PPFIA4: variants seen among roughly 807,000 people sequenced by gnomAD.
PPFIA4 encodes the protein liprin-alpha-4.
Under a neutral mutation model 145.7 loss-of-function variants are expected in PPFIA4, and 98 were observed. That is an observed-to-expected ratio of 0.67 (90% CI 0.57 to 0.80). The LOEUF (loss-of-function observed/expected upper bound fraction) is 0.80, where lower values mean the gene tolerates loss of function less well. Ranked by LOEUF, PPFIA4 falls within the 30% of genes least tolerant of loss-of-function variation. The pLI is 0.00. For synonymous variants in PPFIA4, 628 were observed against 649.6 expected (o/e 0.97, Z 0.51); for missense variants, 1,457 against 1,632.7 (o/e 0.89, Z 1.85).
At chr1:203,038,118 C>T (rs534454821) in intron 1 of PPFIA4, among the ~76,000 whole-genome samples, 1 of 152,306 alleles carries the variant, frequency 6.6e-6, no homozygotes, top group South Asian at 2.1e-4. Context: ...TTTCCTAGGA[C>T]CCCAAGAGTC....
rs1662470781 is a variant in PPFIA4 at position 203,075,619 on chromosome 1, C to A, written c.3436C>A (p.Arg1146Ser). 2 of 1,480,052 alleles carry A rather than the reference C, an allele frequency of 1.4e-6. No homozygotes were observed. Among genetic ancestry groups the A allele is most frequent in the Non-Finnish European group, 1.8e-6 (2 of 1,114,068 alleles). The allele number at this position is 1,480,052 out of a possible 1,614,324, so 91.7% of individuals were successfully genotyped here. The change falls in exon 29 of 30, where the codon CGC (arginine) becomes AGC (serine). Residue 1146 changes from arginine (R) to serine (S), a missense_variant. Arg to Ser is a moderately radical substitution (Grantham distance 110). Coordinates refer to ENST00000295706, the MANE Select transcript of PPFIA4 (RefSeq NM_001304331.2). This position sits in a 1 kb window ranked among gnomAD's most constrained non-coding sequence, Gnocchi z 4.1. Reference protein sequence around the residue: ...VFRRAPSWRKRFRPREHHGRG... With the variant: ...VFRRAPSWRKSFRPREHHGRG... Reference sequence around the variant, plus strand: ...TCGCCGCGCGCCCTCCTGGAGGAAGCGCTTCCGGCCGCGGGAGCACCACGG... The same window carrying A: ...TCGCCGCGCGCCCTCCTGGAGGAAGAGCTTCCGGCCGCGGGAGCACCACGG...
intron 2 of PPFIA4, among the ~76,000 whole-genome samples, chr1:203,041,167 A>T (rs1659671225): frequency 6.6e-6 from 1 of 152,130 alleles, no homozygotes; most frequent in Admixed American, 6.5e-5. Context: ...AGGGGGAGGG[A>T]GTCCACTGAG....
intron 9 of PPFIA4, 98 bp downstream of exon 9, chr1:203,046,480 C>A: frequency 7.2e-7 from 1 of 1,395,014 alleles, no homozygotes. Context: ...GCGCACTGGG[C>A]CAGGAGCCAG....
rs1383525719 is a variant in PPFIA4 at position 203,076,370 on chromosome 1, C to T, written c.3604C>T (p.Leu1202Phe). 9 of 1,608,034 alleles carry T rather than the reference C, an allele frequency of 5.6e-6. No homozygotes were observed. Among genetic ancestry groups the T allele is most frequent in the Middle Eastern group, 1.6e-4 (1 of 6,082 alleles). ...CTCCCACTATCTCTACGGACACATG[C>T]TCTCCGCCTTCCGGGACTAGCCATG... ...AHSHYLYGHM[L>F]SAFRD Residue 1202 changes from leucine to phenylalanine, a missense_variant, in exon 30 of 30, where the codon CTC becomes TTC. Leu to Phe is a conservative substitution (Grantham distance 22). Coordinates refer to ENST00000295706, the MANE Select transcript of PPFIA4 (RefSeq NM_001304331.2).
At position 203,028,026 on chromosome 1, in the gene PPFIA4, G is replaced by A. The variant is rs527946549; in HGVS notation, c.-400+1397G>A. Among the ~76,000 whole-genome samples, 5 of 152,314 alleles carry A rather than the reference G, an allele frequency of 3.3e-5. No individual in the cohort carries two copies. In the South Asian group the frequency reaches 8.3e-4, roughly 25 times the overall value. ...TTATTTTCTCAGATTTTGTCCTGAG[G>A]CTTGAGGAGGCTTCGTGGGGTAAAC... On this transcript the variant is annotated intron_variant, in intron 1 of 29. Transcript: ENST00000295706.
intron 17 of PPFIA4, 93 bp from the exon 18 acceptor site, chr1:203,056,282 T>G: frequency 1.3e-6 from 2 of 1,598,572 alleles, no homozygotes; most frequent in Admixed American, 3.4e-5. Context: ...GCCTCCCCAC[T>G]GCATTTCTCC....
chr1:203,034,535 C>T (rs951664135), intron 1 of PPFIA4: 5 of 456,320 alleles, frequency 1.1e-5, no homozygotes, highest in South Asian at 3.1e-5. Context: ...GTTTCTGCAG[C>T]GCCTATGGGA....
At chr1:203,035,391 C>G (rs148905204) in intron 1 of PPFIA4, 2 of 443,650 alleles carry the variant, frequency 4.5e-6, no homozygotes, top group Non-Finnish European at 9.1e-6. Context: ...CCCATCCCTC[C>G]TGTGTGTTAG....
At chr1:203,030,720 C>T (rs1357728012) in intron 1 of PPFIA4, among the ~76,000 whole-genome samples, 1 of 152,198 alleles carries the variant, frequency 6.6e-6, no homozygotes, top group East Asian at 1.9e-4. Flanking sequence ...CGTGGACTTA[C>T]GCTGTCTCAT....
At chr1:203,030,355 G>T (rs1658729883) in intron 1 of PPFIA4, among the ~76,000 whole-genome samples, 2 of 152,200 alleles carry the variant, frequency 1.3e-5, no homozygotes, top group South Asian at 4.1e-4. Context: ...GAGGAGCGCT[G>T]CTGGGAGTGG....
chr1:203,035,183 C>A, intron 1 of PPFIA4: 1 of 411,922 alleles, frequency 2.4e-6, no homozygotes, highest in Admixed American at 2.8e-5. Flanking sequence ...TCCCTCGTGG[C>A]TGCCACCTGG....
intron 15 of PPFIA4, among the ~76,000 whole-genome samples, chr1:203,054,530 G>C (rs1660768195): frequency 6.6e-6 from 1 of 152,156 alleles, no homozygotes; most frequent in Admixed American, 6.5e-5. Flanking sequence ...CCTTCACTTT[G>C]TCCTGCCTTT....
At position 203,061,257 on chromosome 1, in the gene PPFIA4, A is replaced by G. The variant is rs1286010215; in HGVS notation, c.2847+225A>G. ...GTGTGATCCTTCCCAGGAGGTCACA[A>G]GCTTGCCCTGGGCCACTGGTGTGCT... On this transcript the variant is annotated intron_variant, in intron 23 of 29. Coordinates refer to ENST00000295706, the MANE Select transcript of PPFIA4 (RefSeq NM_001304331.2). 1.4e-5 allele frequency: 8 copies of G among 586,606 alleles called. No individual in the cohort carries two copies. In the Admixed American group the frequency reaches 2.2e-4, roughly 16 times the overall value. The allele number at this position is 586,606 out of a possible 1,614,324, so 36.3% of individuals were successfully genotyped here. A position where few individuals can be genotyped will look rare whatever the true frequency, so the allele number is the denominator to read the frequency against.
At chr1:203,028,670 AGTGT>A (rs1320390617) in intron 1 of PPFIA4, among the ~76,000 whole-genome samples, 1 of 150,950 alleles carries the variant, frequency 6.6e-6, no homozygotes, top group Admixed American at 6.6e-5. Flanking sequence ...CGCGTGTGTG[AGTGT>A]GTGTGCTTGT....
At position 203,060,184 on chromosome 1, in the gene PPFIA4, C is replaced by G. The variant is rs377453634; in HGVS notation, c.2584-33C>G. On this transcript the variant is annotated intron_variant, in intron 21 of 29. Coordinates refer to ENST00000295706, the MANE Select transcript of PPFIA4 (RefSeq NM_001304331.2). This position sits in a 1 kb window ranked among gnomAD's most constrained non-coding sequence, Gnocchi z 4.8. ...AAACTCTTGGTGGTAGGGCCCAGGC[C>G]TTGAATTACCTCCCTGTGCCCGGTG... is the stretch of plus-strand genomic sequence containing the variant. 83 of 1,607,996 alleles carry G rather than the reference C, an allele frequency of 5.2e-5. No homozygotes were observed. Among genetic ancestry groups the G allele is most frequent in the African/African-American group, 9.4e-5 (7 of 74,812 alleles).
Position 203,043,859 on chromosome 1 carries a change from G to A in PPFIA4, c.337-72G>A. On this transcript the variant is annotated intron_variant, in intron 3 of 29. Coordinates refer to ENST00000295706, the MANE Select transcript of PPFIA4 (RefSeq NM_001304331.2). This position sits in a 1 kb window ranked among gnomAD's most constrained non-coding sequence, Gnocchi z 4.4. ...ACTCATGTCTGCTCGGGGATCACAT[G>A]GACCCTGCTTGTAGCCCCTGGGGCA... is the stretch of plus-strand genomic sequence containing the variant. 6.9e-7 allele frequency: 1 copy of A among 1,445,832 alleles called. No homozygotes were observed. The highest frequency in any genetic ancestry group is 9.3e-7 in the Non-Finnish European group (1 of 1,073,158). The allele number at this position is 1,445,832 out of a possible 1,614,324, so 89.6% of individuals were successfully genotyped here.
intron 20 of PPFIA4, among the ~76,000 whole-genome samples, chr1:203,059,546 C>T (rs1661216202): frequency 1.3e-5 from 2 of 152,198 alleles, no homozygotes; most frequent in African/African-American, 2.4e-5. Flanking sequence ...TGTCAGGTCA[C>T]ATGCAAACAG....
rs1661874724 is a variant in PPFIA4, at chr1:203,068,306, G to A, written c.3149-147G>A. 4.3e-6 allele frequency: 3 copies of A among 704,670 alleles called. No individual in the cohort carries two copies. Among genetic ancestry groups the A allele is most frequent in the African/African-American group, 3.8e-5 (2 of 53,144 alleles). The allele number at this position is 704,670 out of a possible 1,614,324, so 43.7% of individuals were successfully genotyped here. The stretch of plus-strand genomic sequence containing the variant: ...ACCCAGGTGCCAGGGAGGAGAGAAA[G>A]AAGATATGGAAATTTAGGGATGGAG... On this transcript the variant is annotated intron_variant, in intron 26 of 29. Transcript: ENST00000295706. The surrounding 1 kb of genome is among the most constrained non-coding windows in gnomAD (Gnocchi z 4.7).
Position 203,075,590 on chromosome 1 carries a change from T to G in PPFIA4, c.3407T>G (p.Val1136Gly). Residue 1136 changes from valine to glycine, a missense_variant, in exon 29 of 30, where the codon GTG becomes GGG. By Grantham distance (109) the Val-to-Gly change is moderately radical. Around this residue, in one of 3 missense-constraint regions of PPFIA4, gnomAD observed 146 missense variants for 126.2 expected, o/e 1.16. Transcript: ENST00000295706. The surrounding 1 kb of genome is among the most constrained non-coding windows in gnomAD (Gnocchi z 4.1). ...CCCATGGTGCAGGGGGATGACAAGGTGTTTCGCCGCGCGCCCTCCTGGAGG... is the reference window on the plus strand; with the variant it reads ...CCCATGGTGCAGGGGGATGACAAGGGGTTTCGCCGCGCGCCCTCCTGGAGG... ...DRKLDDGDDK[V>G]FRRAPSWRKR... 6.9e-7 allele frequency: 1 copy of G among 1,459,260 alleles called. No homozygotes were observed. The highest frequency in any genetic ancestry group is 9.1e-7 in the Non-Finnish European group (1 of 1,102,624). 90.4% of individuals were successfully genotyped at this position (1,459,260 alleles called of 1,614,324 possible).
Sources: allele counts gnomAD v4.1 joint callset (sites outside exome capture counted in the v4.1 genomes callset), GRCh38; gene constraint gnomAD v4.1.1; regional missense constraint gnomAD v4.1.1; non-coding constraint Gnocchi (gnomAD v3.1); transcripts MANE v1.5; gene names NCBI Gene and HGNC (gene_info 2026-07-23, HGNC 2026-07-21).